Variants in FMO1 observed in about 807,000 individuals in gnomAD.
FMO1 encodes flavin containing dimethylaniline monoxygenase 1.
In FMO1, 36 loss-of-function variants were observed where a neutral mutation model predicts 45.4. The observed-to-expected ratio is 0.79, with a 90% confidence interval of 0.61 to 1.05. The LOEUF is 1.05. FMO1 is among the 50% of genes least tolerant of loss of function. The pLI, the probability that FMO1 is intolerant of heterozygous loss-of-function variation, is 0.00. For synonymous variants in FMO1, 228 were observed against 227.2 expected (o/e 1.00, Z -0.03); for missense variants, 615 against 640.3 (o/e 0.96, Z 0.43).
intron 1 of FMO1, among the ~76,000 whole-genome samples, chr1:171,253,049 A>T (rs1659969655): frequency 6.6e-6 from 1 of 152,198 alleles, no homozygotes; most frequent in Admixed American, 6.5e-5. Context: ...CACGTTTGAC[A>T]ACAACTCATA....
rs1329226857 is a variant in FMO1, at chr1:171,285,686, G to GC, written c.*143dup. 2.2e-6 allele frequency: 1 copy of GC among 445,958 alleles called. No homozygotes were observed. The highest frequency in any genetic ancestry group is 3.8e-6 in the Non-Finnish European group (1 of 259,932). The allele number at this position is 445,958 out of a possible 1,614,324, so 27.6% of individuals were successfully genotyped here. ...TCTCGCTTCCCTGGCTGGCCCCAGG[G>GC]CTACCACTGGTATTCCTGAGCCTCT... On this transcript the variant is annotated 3_prime_UTR_variant, in exon 9 of 9. Transcript: ENST00000617670.
At chr1:171,256,108 C>T (rs1419338604) in intron 1 of FMO1, among the ~76,000 whole-genome samples, 3 of 151,816 alleles carry the variant, frequency 2.0e-5, no homozygotes, top group Non-Finnish European at 4.4e-5. Flanking sequence ...CCCGTCTCTA[C>T]TAAAAATACA....
chr1:171,283,226 C>A lies in FMO1; in HGVS notation c.1256+10C>A, dbSNP rs746894799. On this transcript the variant is annotated intron_variant, in intron 8 of 8. Coordinates refer to ENST00000617670, the MANE Select transcript of FMO1 (RefSeq NM_001282693.2). The stretch of plus-strand genomic sequence containing the variant: ...AAAACAAGCCCAGTTGGTAAGTTAA[C>A]TACTTAATGCACCCTTTTTAAATTA... The A allele has an allele frequency of 4.5e-6, 3 of 666,348 alleles. No individual in the cohort carries two copies. Among genetic ancestry groups the A allele is most frequent in the Non-Finnish European group, 6.6e-6 (3 of 451,622 alleles). 41.3% of individuals were successfully genotyped at this position (666,348 alleles called of 1,614,324 possible). A position where few individuals can be genotyped will look rare whatever the true frequency, so the allele number is the denominator to read the frequency against.
intron 3 of FMO1, among the ~76,000 whole-genome samples, chr1:171,268,089 CTGTT>C (rs758674878): frequency 2.3e-3 from 354 of 152,078 alleles, no homozygotes; most frequent in Non-Finnish European, 3.3e-3. Flanking sequence ...GGTTTTTTGT[CTGTT>C]TGTTTGTTTT....
chr1:171,267,650 C>G lies in FMO1; in HGVS notation c.240C>G (p.Asn80Lys), dbSNP rs150563721. Residue 80 changes from asparagine to lysine, a missense_variant, in exon 3 of 9, where the codon AAC (asparagine) becomes AAG (lysine). Transcript: ENST00000617670. ...TTCCATTCCCAGAAGATTATCCAAACTATGTGCCAAATTCTCAATTCCTGG... is the reference window on the plus strand; with the variant it reads ...TTCCATTCCCAGAAGATTATCCAAAGTATGTGCCAAATTCTCAATTCCTGG... ...SDFPFPEDYP[N>K]YVPNSQFLEY... 2.6e-5 allele frequency: 42 copies of G among 1,613,928 alleles called. No individual in the cohort carries two copies. Among genetic ancestry groups the G allele is most frequent in the Non-Finnish European group, 3.2e-5 (38 of 1,179,900 alleles).
In FMO1 at chr1:171,282,338, G is replaced by A. The variant is rs1361529834; in HGVS notation, c.1183+5G>A. The A allele has an allele frequency of 6.3e-7, 1 of 1,586,954 alleles. No homozygotes were observed. The highest frequency in any genetic ancestry group is 8.6e-7 in the Non-Finnish European group (1 of 1,160,314). On this transcript the variant is annotated splice_donor_5th_base_variant and intron_variant, in intron 7 of 8. Transcript: ENST00000617670. ...GGGCTGTTCGAGTCCTGAAAGGTAA[G>A]TATAAGAAATAGCAGGGCATGTGTT...
chr1:171,271,124 T>G, intron 3 of FMO1: 1 of 887,226 alleles, frequency 1.1e-6, no homozygotes, highest in South Asian at 1.4e-5. Context: ...ATATCCTTTT[T>G]GTATTTTTCC....
chr1:171,257,293 A>G (rs138311991), intron 1 of FMO1, among the ~76,000 whole-genome samples: 284 of 152,044 alleles, frequency 1.9e-3, no homozygotes, highest in African/African-American at 6.2e-3. Flanking sequence ...GTTCTTACAC[A>G]TGTGTGTTAT....
intron 2 of FMO1, among the ~76,000 whole-genome samples, chr1:171,261,054 A>G (rs1370771674): frequency 2.0e-5 from 3 of 152,174 alleles, no homozygotes; most frequent in Non-Finnish European, 4.4e-5. Flanking sequence ...CCTCATTTAT[A>G]AAATGAAAAC....
intron 3 of FMO1, chr1:171,270,479 T>C: frequency 1.4e-6 from 1 of 713,790 alleles, no homozygotes; most frequent in South Asian, 6.3e-5. Flanking sequence ...TTCAGACCTA[T>C]GAAAAGGACA....
At chr1:171,266,522 A>T (rs920019541) in intron 2 of FMO1, among the ~76,000 whole-genome samples, 13 of 152,236 alleles carry the variant, frequency 8.5e-5, no homozygotes, top group African/African-American at 2.7e-4. Flanking sequence ...TCAGTCAATG[A>T]GATAAATAAC....
intron 2 of FMO1, 80 bp downstream of exon 2, chr1:171,258,299 C>T (rs2101799968): frequency 6.5e-7 from 1 of 1,538,660 alleles, no homozygotes; most frequent in East Asian, 2.3e-5. Context: ...GCTTCTTTCA[C>T]AAGGGTTGGT....
At chr1:171,279,089 CTTTTT>C (rs35698046) in intron 5 of FMO1, among the ~76,000 whole-genome samples, 1 of 137,786 alleles carries the variant, frequency 7.3e-6, no homozygotes, top group African/African-American at 2.7e-5. Context: ...CTTCTTTTTA[CTTTTT>C]TTTTTTTTTT....
chr1:171,271,133 C>T lies in FMO1; in HGVS notation c.321+3402C>T, dbSNP rs114686189. 2.7e-3 allele frequency: 2,393 copies of T among 885,020 alleles called. 37 individuals are homozygous for T. The African/African-American group carries it at 0.033, about 12-fold the overall frequency. 54.8% of individuals were successfully genotyped at this position (885,020 alleles called of 1,614,324 possible). On this transcript the variant is annotated intron_variant, in intron 3 of 8. Transcript: ENST00000617670. ...GCAGCAATATCCTTTTTGTATTTTT[C>T]CTTTAGCTTTGCAGCCTTCTTTTCA...
At chr1:171,256,764 A>C (rs1382322191) in intron 1 of FMO1, among the ~76,000 whole-genome samples, 1 of 152,176 alleles carries the variant, frequency 6.6e-6, no homozygotes, top group East Asian at 1.9e-4. Context: ...TCCAAAACAA[A>C]AAAAGATGCA....
chr1:171,271,514 T>G lies in FMO1; in HGVS notation c.321+3783T>G, dbSNP rs1660865662. 12 of 890,028 alleles carry G rather than the reference T, an allele frequency of 1.3e-5. No homozygotes were observed. The Admixed American group carries it at 1.4e-4, about 10-fold the overall frequency. 55.1% of individuals were successfully genotyped at this position (890,028 alleles called of 1,614,324 possible). On this transcript the variant is annotated intron_variant, in intron 3 of 8. Transcript: ENST00000617670. ...CATCTGGGTGCTGCTTCTTATGCTC[T>G]TCCCGACAAGTTTGCACAAAAAATG...
chr1:171,257,380 A>G (rs1275052882), intron 1 of FMO1, among the ~76,000 whole-genome samples: 1 of 152,114 alleles, frequency 6.6e-6, no homozygotes, highest in African/African-American at 2.4e-5. Flanking sequence ...GAGGTGAATC[A>G]GTATCCAATT....
Position 171,267,733 on chromosome 1 carries a change from T to C in FMO1, c.321+2T>C. 1 of 1,603,530 alleles carries C rather than the reference T, an allele frequency of 6.2e-7. No homozygotes were observed. The highest frequency in any genetic ancestry group is 8.5e-7 in the Non-Finnish European group (1 of 1,174,078). ...CTTCTGAAACACATTCAATTCAAGG[T>C]AAGACACAAAACATCAGTTAGTAGT... is the stretch of plus-strand genomic sequence containing the variant. On this transcript the variant is annotated splice_donor_variant, in intron 3 of 8. Transcript: ENST00000617670. LOFTEE classifies it high-confidence loss of function.
chr1:171,254,321 C>CT (rs1660052082), intron 1 of FMO1, among the ~76,000 whole-genome samples: 1 of 152,140 alleles, frequency 6.6e-6, no homozygotes, highest in Non-Finnish European at 1.5e-5. Flanking sequence ...AACTTCTGAC[C>CT]TTAAGTGATC....
Sources: allele counts gnomAD v4.1 joint callset (sites outside exome capture counted in the v4.1 genomes callset), GRCh38; gene constraint gnomAD v4.1.1; transcripts MANE v1.5; gene names NCBI Gene and HGNC (gene_info 2026-07-23, HGNC 2026-07-21).